RBM33: variants seen among roughly 807,000 people sequenced by gnomAD.
RBM33 encodes RNA binding motif protein 33.
RBM33 carries 28 observed loss-of-function variants against 132.6 expected under a neutral mutation model. That is an observed-to-expected ratio of 0.21 (90% CI 0.16 to 0.29). RBM33 has a LOEUF of 0.29. Ranked by LOEUF, RBM33 falls within the 10% of genes least tolerant of loss-of-function variation. The pLI is 1.00. For synonymous variants in RBM33, 634 were observed against 593.0 expected, an observed-to-expected ratio of 1.07 and a Z score of -1.01; for missense variants, 1,291 against 1,518.5, an observed-to-expected ratio of 0.85 and a Z score of 2.49.
chr7:155,681,924 GTTT>G, intron 5 of RBM33, among the ~76,000 whole-genome samples: 1 of 146,642 alleles, frequency 6.8e-6, no homozygotes, highest in Admixed American at 6.8e-5. Context: ...TGTCTCAGTA[GTTT>G]TTTTTTTTTT....
intron 9 of RBM33, among the ~76,000 whole-genome samples, chr7:155,727,886 C>T (rs1800838404): frequency 6.6e-6 from 1 of 152,216 alleles, no homozygotes; most frequent in African/African-American, 2.4e-5. Flanking sequence ...TCACCGCAGC[C>T]TCAAGTAGCT....
chr7:155,736,030 A>G (rs1045184021), intron 9 of RBM33, among the ~76,000 whole-genome samples: 1 of 152,222 alleles, frequency 6.6e-6, no homozygotes, highest in Non-Finnish European at 1.5e-5. Context: ...ATAAGTGCCT[A>G]AAGTTTATGT....
intron 8 of RBM33, among the ~76,000 whole-genome samples, chr7:155,715,030 T>C (rs1288882807): frequency 3.3e-5 from 5 of 152,174 alleles, no homozygotes; most frequent in African/African-American, 1.2e-4. Flanking sequence ...TAACCCCTCC[T>C]GACCCCATCG....
chr7:155,684,809 C>T, intron 5 of RBM33: 1 of 1,057,798 alleles, frequency 9.5e-7, no homozygotes, highest in Non-Finnish European at 1.3e-6. Context: ...TGTGCTCAGT[C>T]AGCTAATCAC....
intron 5 of RBM33, among the ~76,000 whole-genome samples, chr7:155,689,258 G>A (rs371897280): frequency 7.2e-5 from 11 of 152,090 alleles, no homozygotes; most frequent in South Asian, 2.1e-4. Flanking sequence ...GTTTATTTGC[G>A]TAGAGGTGTT....
Position 155,737,549 on chromosome 7 carries a change from A to T in RBM33, c.1280A>T (p.Gln427Leu), listed in dbSNP as rs772975782. The part of the protein sequence containing the change: ...QRFPGPPEFP[Q>L]HTPGPVPNSF... ...CTTTAGGGCCCTCCAGAATTTCCAC[A>T]GCATACACCTGGACCTGTTCCCAAC... The change falls in exon 10 of 18, where the codon CAG becomes CTG. Residue 427 changes from glutamine (Q) to leucine (L), a missense_variant. By Grantham distance (113) the Gln-to-Leu change is moderately radical (BLOSUM62 -2). Around this residue, in one of 7 missense-constraint regions of RBM33, gnomAD observed 841 missense variants for 912.0 expected, o/e 0.92. Coordinates refer to ENST00000401878, the MANE Select transcript of RBM33 (RefSeq NM_053043.3). 1 of 1,609,008 alleles carries T rather than the reference A, an allele frequency of 6.2e-7. No individual in the cohort carries two copies. Among genetic ancestry groups the T allele is most frequent in the Admixed American group, 1.7e-5 (1 of 58,548 alleles).
chr7:155,743,070 A>C (rs1801401490), intron 13 of RBM33, among the ~76,000 whole-genome samples: 1 of 152,056 alleles, frequency 6.6e-6, no homozygotes, highest in Admixed American at 6.5e-5. Flanking sequence ...TTTCAGTTAG[A>C]TTTTCTTCTG....
At chr7:155,695,495 T>G (rs1174445246) in intron 5 of RBM33, among the ~76,000 whole-genome samples, 1 of 152,206 alleles carries the variant, frequency 6.6e-6, no homozygotes, top group African/African-American at 2.4e-5. Flanking sequence ...AGTCTCACTC[T>G]GGCGCCCAGG....
chr7:155,750,474 G>A (rs1801656257), intron 14 of RBM33, among the ~76,000 whole-genome samples: 1 of 152,218 alleles, frequency 6.6e-6, no homozygotes, highest in Non-Finnish European at 1.5e-5. Context: ...GTCAGTTTCT[G>A]TCTTCCTATT....
At position 155,780,419 on chromosome 7, in the gene RBM33, A is replaced by T. The variant is rs910260945; in HGVS notation, c.*5378A>T. On this transcript the variant is annotated 3_prime_UTR_variant, in exon 18 of 18. Transcript: ENST00000401878. The stretch of plus-strand genomic sequence containing the variant: ...CAGGTACCACAGCAGCAAAGCACAG[A>T]GTGTGACCTTTTTCATGTCTGAGCT... 2.0e-5 allele frequency: 3 copies of T among 152,224 alleles called. No individual in the cohort carries two copies. The highest frequency in any genetic ancestry group is 7.2e-5 in the African/African-American group (3 of 41,440). 9.4% of individuals were successfully genotyped at this position (152,224 alleles called of 1,614,324 possible).
chr7:155,651,510 G>T (rs1798352522), intron 1 of RBM33, among the ~76,000 whole-genome samples: 1 of 150,402 alleles, frequency 6.6e-6, no homozygotes, highest in South Asian at 2.1e-4. Context: ...AGGCCAGGAG[G>T]TGGAGGTTGT....
chr7:155,777,277 A>G lies in RBM33; in HGVS notation c.*2236A>G, dbSNP rs770303871. 2.0e-5 allele frequency: 3 copies of G among 152,408 alleles called. No homozygotes were observed. Among genetic ancestry groups the G allele is most frequent in the Non-Finnish European group, 2.9e-5 (2 of 67,992 alleles). 9.4% of individuals were successfully genotyped at this position (152,408 alleles called of 1,614,324 possible). On this transcript the variant is annotated 3_prime_UTR_variant, in exon 18 of 18. Transcript: ENST00000401878. ...GGCCCTGGGGTGTGCGTGTTTCTCTAACTGTCTACACGTGCACATAGGCAG... is the reference window on the plus strand; with the variant it reads ...GGCCCTGGGGTGTGCGTGTTTCTCTGACTGTCTACACGTGCACATAGGCAG...
At chr7:155,763,246 C>T (rs377067682) in intron 14 of RBM33, among the ~76,000 whole-genome samples, 5 of 152,222 alleles carry the variant, frequency 3.3e-5, no homozygotes, top group African/African-American at 9.6e-5. Flanking sequence ...TGATGCTCTT[C>T]GGCGCTTCAG....
chr7:155,718,543 T>G (rs924663523), intron 9 of RBM33, 100 bp downstream of exon 9: 7 of 1,002,574 alleles, frequency 7.0e-6, no homozygotes, highest in East Asian at 2.4e-5. Flanking sequence ...AAATATAATT[T>G]TAAGGATTTG....
chr7:155,745,724 A>G lies in RBM33; in HGVS notation c.2979+122A>G, dbSNP rs781738575. The G allele has an allele frequency of 3.3e-5, 31 of 952,788 alleles. No homozygotes were observed. Among genetic ancestry groups the G allele is most frequent in the Non-Finnish European group, 4.8e-5 (31 of 650,772 alleles). The allele number at this position is 952,788 out of a possible 1,614,324, so 59.0% of individuals were successfully genotyped here. A position where few individuals can be genotyped will look rare whatever the true frequency, so the allele number is the denominator to read the frequency against. On this transcript the variant is annotated intron_variant, in intron 14 of 17. Transcript: ENST00000401878. The surrounding 1 kb of genome is among the most constrained non-coding windows in gnomAD (Gnocchi z 4.1). The stretch of plus-strand genomic sequence containing the variant: ...TACCTCTGTTATAGTCTTGTAACCA[A>G]TCTCTACCTACTTGAAGTTGGTATA...
chr7:155,735,531 C>A (rs1164617530), intron 9 of RBM33, among the ~76,000 whole-genome samples: 267 of 152,140 alleles, frequency 1.8e-3, no homozygotes, highest in African/African-American at 5.0e-3. Context: ...ATAGCAAGAC[C>A]CTGCCTCTAC....
At chr7:155,718,349 A>G (rs778930558) in intron 8 of RBM33, 36 bp from the exon 9 acceptor site, 1 of 1,582,774 alleles carries the variant, frequency 6.3e-7, no homozygotes, top group East Asian at 2.2e-5. Flanking sequence ...AGTGTTGAGT[A>G]AAGTGTGTCT....
At chr7:155,713,272 A>G (rs1800358733) in intron 8 of RBM33, among the ~76,000 whole-genome samples, 1 of 152,048 alleles carries the variant, frequency 6.6e-6, no homozygotes, top group African/African-American at 2.4e-5. Context: ...AGAATTCAGT[A>G]TAGGGGTTTG....
intron 9 of RBM33, among the ~76,000 whole-genome samples, chr7:155,735,524 G>C: frequency 6.6e-6 from 1 of 151,646 alleles, no homozygotes; most frequent in East Asian, 1.9e-4. Context: ...GGGCAACATA[G>C]CAAGACCCTG....
Sources: gnomAD v4.1 joint callset for allele counts (sites outside exome capture counted in the v4.1 genomes callset) on GRCh38, gnomAD v4.1.1 for gene constraint, gnomAD v4.1.1 regional missense constraint, Gnocchi (gnomAD v3.1) non-coding constraint, MANE v1.5 for transcripts, NCBI Gene and HGNC (gene_info 2026-07-23, HGNC 2026-07-21) for gene names.